The following IQGAP1 variants were observed in gnomAD, a reference collection of about 807,000 sequenced individuals.
The protein encoded by IQGAP1 is ras GTPase-activating-like protein IQGAP1.
A neutral mutation model predicts 215.6 loss-of-function variants in IQGAP1; 66 were observed. The observed-to-expected ratio is 0.31, with a 90% CI of 0.25 to 0.38. IQGAP1 has a LOEUF of 0.38. Among genes scored for constraint, IQGAP1 ranks in the 10% least tolerant of loss-of-function variants. IQGAP1 has a pLI of 1.00. For synonymous variants in IQGAP1, 772 were observed against 728.7 expected, an observed-to-expected ratio of 1.06 and a Z score of -0.96; for missense variants, 1,712 against 1,997.1, an observed-to-expected ratio of 0.86 and a Z score of 2.72.
chr15:90,487,698 GAA>G, intron 33 of IQGAP1, 116 bp downstream of exon 33: 1 of 690,000 alleles, frequency 1.4e-6, no homozygotes, highest in Non-Finnish European at 2.5e-6. Flanking sequence ...GGGTGAGCAT[GAA>G]TGTAACTGGG....
At chr15:90,437,910 C>T (rs1221553319) in intron 5 of IQGAP1, among the ~76,000 whole-genome samples, 1 of 152,114 alleles carries the variant, frequency 6.6e-6, no homozygotes, top group Non-Finnish European at 1.5e-5. Context: ...AGTCTTTTAC[C>T]TGAAAGAAAA....
chr15:90,483,012 C>T (rs1411609437), intron 28 of IQGAP1, among the ~76,000 whole-genome samples: 1 of 152,206 alleles, frequency 6.6e-6, no homozygotes, highest in Non-Finnish European at 1.5e-5. Context: ...TGGGTGACAG[C>T]AGCCTTATTT....
intron 26 of IQGAP1, among the ~76,000 whole-genome samples, chr15:90,481,304 G>T (rs1239217105): frequency 7.5e-6 from 1 of 133,602 alleles, no homozygotes; most frequent in Non-Finnish European, 1.5e-5. Flanking sequence ...TTAAGACAAG[G>T]TCTTGCTCAA....
intron 15 of IQGAP1, among the ~76,000 whole-genome samples, chr15:90,461,024 G>C (rs1323538439): frequency 7.5e-6 from 1 of 133,048 alleles, no homozygotes; most frequent in African/African-American, 2.7e-5. Flanking sequence ...AAAAAAAAAA[G>C]GGCTGGGCGC....
chr15:90,489,613 T>C (rs188394557), intron 33 of IQGAP1, among the ~76,000 whole-genome samples: 1 of 152,220 alleles, frequency 6.6e-6, no homozygotes, highest in South Asian at 2.1e-4. Context: ...TCCAGCCCTA[T>C]AGGACTCTGT....
chr15:90,412,274 A>G (rs1311895131), intron 2 of IQGAP1, among the ~76,000 whole-genome samples: 1 of 152,170 alleles, frequency 6.6e-6, no homozygotes, highest in Non-Finnish European at 1.5e-5. Flanking sequence ...TTTAAAACAG[A>G]TACTATCAAG....
At chr15:90,471,498 A>AAGTC (rs1299526404) in intron 18 of IQGAP1, among the ~76,000 whole-genome samples, 1 of 145,880 alleles carries the variant, frequency 6.9e-6, no homozygotes, top group Non-Finnish European at 1.5e-5. Flanking sequence ...CTACCTCATG[A>AAGTC]AGTCTTTTTT....
chr15:90,498,846 A>C (rs1442804665), intron 37 of IQGAP1, among the ~76,000 whole-genome samples: 1 of 132,598 alleles, frequency 7.5e-6, no homozygotes, highest in Non-Finnish European at 1.6e-5. Context: ...TTTCGCTCTT[A>C]TTGCCCAAGC....
intron 31 of IQGAP1, chr15:90,486,739 T>G: frequency 1.9e-6 from 1 of 538,130 alleles, no homozygotes; most frequent in Non-Finnish European, 3.3e-6. Flanking sequence ...AGTGTTGAAA[T>G]GATTTCTCAA....
intron 8 of IQGAP1, among the ~76,000 whole-genome samples, chr15:90,442,815 C>CA (rs1965470522): frequency 6.6e-6 from 1 of 151,862 alleles, no homozygotes; most frequent in South Asian, 2.1e-4. Context: ...CTAAAAATAC[C>CA]AAAAAAATTA....
intron 4 of IQGAP1, among the ~76,000 whole-genome samples, chr15:90,430,798 G>A (rs970217635): frequency 1.3e-5 from 2 of 151,564 alleles, no homozygotes; most frequent in African/African-American, 4.8e-5. Context: ...GAGGTGTAGG[G>A]TATCAGAAGG....
chr15:90,499,826 G>A (rs1449108895), intron 37 of IQGAP1, among the ~76,000 whole-genome samples, 169 bp from the exon 38 acceptor site: 2 of 152,204 alleles, frequency 1.3e-5, no homozygotes, highest in Non-Finnish European at 2.9e-5. Context: ...GTTGTGCAGT[G>A]GGTAGTTGCC....
chr15:90,496,225 G>A (rs766439558), intron 36 of IQGAP1, among the ~76,000 whole-genome samples: 2 of 149,984 alleles, frequency 1.3e-5, no homozygotes, highest in South Asian at 2.1e-4. Flanking sequence ...AGCCCTGTTC[G>A]TAATAGGTAA....
chr15:90,483,715 T>A, intron 29 of IQGAP1, 122 bp downstream of exon 29: 1 of 684,206 alleles, frequency 1.5e-6, no homozygotes, highest in Non-Finnish European at 2.5e-6. Flanking sequence ...AAGACGTGTT[T>A]GATGTGCCCA....
chr15:90,418,111 G>C (rs1172932369), intron 2 of IQGAP1, among the ~76,000 whole-genome samples: 1 of 152,094 alleles, frequency 6.6e-6, no homozygotes, highest in African/African-American at 2.4e-5. Flanking sequence ...CCTTGAAGGT[G>C]CTGACTGGTA....
At position 90,468,072 on chromosome 15, in the gene IQGAP1, T is replaced by TTTG. The variant is rs763031108; in HGVS notation, c.2178+483_2178+485dup. Among the ~76,000 whole-genome samples, 417 of 119,526 alleles carry TTTG rather than the reference T, an allele frequency of 3.5e-3. 1 individual carries two copies. Among genetic ancestry groups the TTTG allele is most frequent in the Non-Finnish European group, 4.3e-3 (251 of 58,550 alleles). The allele number at this position is 119,526 out of a possible 152,430, so 78.4% of individuals were successfully genotyped here. A position where few individuals can be genotyped will look rare whatever the true frequency, so the allele number is the denominator to read the frequency against. ...TTTTTGTTTGTTTGTTTGTTTGTTT[T>TTTG]TTGTTTTTTTTTTGAAACAGAGTCT... is the stretch of plus-strand genomic sequence containing the variant. On this transcript the variant is annotated intron_variant, in intron 18 of 37. Coordinates refer to ENST00000268182, the MANE Select transcript of IQGAP1 (RefSeq NM_003870.4).
rs1431332884 is a variant in IQGAP1 at position 90,484,127 on chromosome 15, T to A, written c.3789-93T>A. The A allele has an allele frequency of 2.7e-6, 3 of 1,105,710 alleles. No individual in the cohort carries two copies. The East Asian group carries it at 7.2e-5, about 27-fold the overall frequency. The allele number at this position is 1,105,710 out of a possible 1,614,324, so 68.5% of individuals were successfully genotyped here. On this transcript the variant is annotated intron_variant, in intron 29 of 37. Coordinates refer to ENST00000268182, the MANE Select transcript of IQGAP1 (RefSeq NM_003870.4). The stretch of plus-strand genomic sequence containing the variant: ...AAGTAACTGTTGACTGGCTTCTGTT[T>A]GCACTCATTGTGTGAGAGGTTTGTG...
rs897932554 is a variant in IQGAP1, at chr15:90,477,596, T to C, written c.3105-69T>C. Reference sequence around the variant, plus strand: ...AACTGTTTCAGGGAGATAGGATCTTTAAGCAGGAAGGATCTTTTAAGTTGA... The same window carrying C: ...AACTGTTTCAGGGAGATAGGATCTTCAAGCAGGAAGGATCTTTTAAGTTGA... On this transcript the variant is annotated intron_variant, in intron 25 of 37. Coordinates refer to ENST00000268182, the MANE Select transcript of IQGAP1 (RefSeq NM_003870.4). The C allele has an allele frequency of 5.4e-6, 6 of 1,120,816 alleles. No individual in the cohort carries two copies. The African/African-American group carries it at 7.7e-5, about 14-fold the overall frequency. 69.4% of individuals were successfully genotyped at this position (1,120,816 alleles called of 1,614,324 possible).
intron 9 of IQGAP1, among the ~76,000 whole-genome samples, chr15:90,445,108 T>A (rs890837851): frequency 9.9e-5 from 15 of 151,988 alleles, no homozygotes; most frequent in Non-Finnish European, 4.4e-5. Context: ...GGCAACAGAG[T>A]GAGACCCTGC....
Sources: allele counts gnomAD v4.1 joint callset (sites outside exome capture counted in the v4.1 genomes callset), GRCh38; gene constraint gnomAD v4.1.1; transcripts MANE v1.5; gene names NCBI Gene and HGNC (gene_info 2026-07-23, HGNC 2026-07-21).